The following TPTE variants were observed in gnomAD, a reference collection of about 807,000 sequenced individuals.
TPTE encodes the protein putative tyrosine-protein phosphatase TPTE.
TPTE carries 59 observed loss-of-function variants against 84.1 expected under a neutral mutation model. The ratio of observed to expected loss-of-function variants is 0.70; its 90% confidence interval spans 0.57 to 0.87. The LOEUF (loss-of-function observed/expected upper bound fraction) is 0.87, where lower values mean the gene tolerates loss of function less well. Among genes scored for constraint, TPTE ranks in the 40% least tolerant of loss-of-function variants. The pLI, the probability that TPTE is intolerant of heterozygous loss-of-function variation, is 0.00. For missense variants in TPTE, 382 were observed against 659.6 expected, an observed-to-expected ratio of 0.58 and a Z score of 4.61; for synonymous variants, 130 against 223.5, an observed-to-expected ratio of 0.58 and a Z score of 3.73.
chr21:10,566,186 T>C (rs553057633), intron 10 of TPTE, among the ~76,000 whole-genome samples: 2 of 152,428 alleles, frequency 1.3e-5, no homozygotes, highest in African/African-American at 2.4e-5. Flanking sequence ...ATCTAATCTT[T>C]TAAATGATAA....
intron 7 of TPTE, among the ~76,000 whole-genome samples, chr21:10,548,090 AC>A (rs1479049740): frequency 6.6e-6 from 1 of 152,304 alleles, no homozygotes; most frequent in Non-Finnish European, 1.5e-5. Flanking sequence ...AAACAGTCCC[AC>A]AGGCTGCCCC....
rs533860619 is a variant in TPTE at position 10,531,637 on chromosome 21, T to G, written c.-44+4225T>G. Among the ~76,000 whole-genome samples, 3 of 152,430 alleles carry G rather than the reference T, an allele frequency of 2.0e-5. No individual in the cohort carries two copies. The South Asian group carries it at 6.2e-4, about 32-fold the overall frequency. On this transcript the variant is annotated intron_variant, in intron 3 of 23. Coordinates refer to ENST00000618007, the MANE Select transcript of TPTE (RefSeq NM_199261.4). ...TCATCCTTCATATCAGTTTGAGACA[T>G]TGAAGTTATGTGCTCTAATCCGTCA...
chr21:10,600,140 C>CTTTTTTTTTT (rs71217979), intron 21 of TPTE, among the ~76,000 whole-genome samples: 2 of 142,476 alleles, frequency 1.4e-5, no homozygotes, highest in East Asian at 2.0e-4. Context: ...TTTTCTTTTT[C>CTTTTTTTTTT]TTTTTTTTTT....
intron 5 of TPTE, 50 bp from the exon 6 acceptor site, chr21:10,542,345 A>T (rs1190221327): frequency 6.2e-7 from 1 of 1,600,550 alleles, no homozygotes; most frequent in South Asian, 1.1e-5. Context: ...CCAAAATATA[A>T]ATTCAGAATT....
chr21:10,541,078 A>G (rs774153374), intron 4 of TPTE, 34 bp from the exon 5 acceptor site: 153 of 1,612,026 alleles, frequency 9.5e-5, no homozygotes, highest in Non-Finnish European at 1.2e-4. Flanking sequence ...AGAATTACGC[A>G]TTGGGTCTGA....
At chr21:10,547,504 CTT>C (rs1243451724) in intron 7 of TPTE, among the ~76,000 whole-genome samples, 1 of 152,312 alleles carries the variant, frequency 6.6e-6, no homozygotes, top group Non-Finnish European at 1.5e-5. Flanking sequence ...ATCTCACAGT[CTT>C]TGCAAGCCCT....
intron 19 of TPTE, among the ~76,000 whole-genome samples, chr21:10,593,376 C>A (rs1386809795): frequency 4.6e-5 from 7 of 152,408 alleles, no homozygotes; most frequent in South Asian, 2.1e-4. Flanking sequence ...GTCTTAAAAT[C>A]TTTGAAAATT....
At chr21:10,598,631 C>T (rs1384071391) in intron 21 of TPTE, among the ~76,000 whole-genome samples, 2 of 152,426 alleles carry the variant, frequency 1.3e-5, no homozygotes, top group Non-Finnish European at 2.9e-5. Flanking sequence ...TGGGATGACC[C>T]TGTGAGAAAC....
chr21:10,546,610 A>G (rs2074472785), intron 7 of TPTE, among the ~76,000 whole-genome samples: 1 of 152,312 alleles, frequency 6.6e-6, no homozygotes, highest in South Asian at 2.1e-4. Context: ...GAAAATTAAG[A>G]CTGCTACTCC....
intron 11 of TPTE, among the ~76,000 whole-genome samples, chr21:10,568,129 A>G (rs1222138794): frequency 6.6e-6 from 1 of 152,312 alleles, no homozygotes; most frequent in African/African-American, 2.4e-5. Context: ...CCTTTTGGCT[A>G]AGATCAAGTA....
At chr21:10,557,599 A>G (rs1296336483) in intron 8 of TPTE, among the ~76,000 whole-genome samples, 6 of 152,308 alleles carry the variant, frequency 3.9e-5, no homozygotes, top group East Asian at 1.9e-4. Flanking sequence ...CTTTTGGCCA[A>G]TTGATCCTCC....
chr21:10,569,264 A>T (rs1189961257), intron 11 of TPTE, among the ~76,000 whole-genome samples, 173 bp from the exon 12 acceptor site: 13 of 152,388 alleles, frequency 8.5e-5, no homozygotes, highest in African/African-American at 3.1e-4. Flanking sequence ...ACATGCACGC[A>T]CGCCAGTGGT....
chr21:10,543,242 C>A, intron 6 of TPTE, 87 bp from the exon 7 acceptor site: 1 of 1,481,874 alleles, frequency 6.7e-7, no homozygotes, highest in East Asian at 2.7e-5. Flanking sequence ...CCTTGTTAGC[C>A]AGGATGGTCT....
chr21:10,584,879 A>AGAGTGTGT (rs2075334912), intron 17 of TPTE, among the ~76,000 whole-genome samples: 1 of 148,746 alleles, frequency 6.7e-6, no homozygotes, highest in Non-Finnish European at 1.5e-5. Flanking sequence ...ATGCTTTACG[A>AGAGTGTGT]GTGTGTGTGT....
At position 10,546,055 on chromosome 21, in the gene TPTE, C is replaced by T. The variant is rs1055737135; in HGVS notation, c.173+2673C>T. ...TTTATTGTGCTTTATTTTATTGCCCCTCAGATATTACTTTTTTGTAAACTG... is the reference window on the plus strand; with the variant it reads ...TTTATTGTGCTTTATTTTATTGCCCTTCAGATATTACTTTTTTGTAAACTG... On this transcript the variant is annotated intron_variant, in intron 7 of 23. Transcript: ENST00000618007. Among the ~76,000 whole-genome samples, 5 of 152,304 alleles carry T rather than the reference C, an allele frequency of 3.3e-5. No individual in the cohort carries two copies. The South Asian group carries it at 6.2e-4, about 19-fold the overall frequency.
chr21:10,603,500 A>C, intron 22 of TPTE, 62 bp from the exon 23 acceptor site: 1 of 1,489,668 alleles, frequency 6.7e-7, no homozygotes, highest in Non-Finnish European at 9.2e-7. Context: ...AGGAACTTCA[A>C]TTTCTTTGGA....
intron 17 of TPTE, among the ~76,000 whole-genome samples, chr21:10,589,322 C>G (rs1358330128): frequency 1.3e-5 from 2 of 152,296 alleles, no homozygotes; most frequent in Non-Finnish European, 2.9e-5. Flanking sequence ...GTGGTTTGAC[C>G]TATGAGCCAG....
At chr21:10,592,805 G>GGTGTGTGTGTGTGTGTGTGT (rs4041809) in intron 19 of TPTE, among the ~76,000 whole-genome samples, 443 of 147,700 alleles carry the variant, frequency 3.0e-3, no homozygotes, top group African/African-American at 7.3e-3. Flanking sequence ...GATGACTCCT[G>GGTGTGTGTGTGTGTGTGTGT]GTGTGTGTGT....
intron 3 of TPTE, among the ~76,000 whole-genome samples, chr21:10,528,328 A>C (rs185223785): frequency 8.1e-4 from 123 of 152,386 alleles, no homozygotes; most frequent in African/African-American, 2.6e-3. Context: ...ATGTCATAAT[A>C]TATATTGGAG....
Sources: allele counts gnomAD v4.1 joint callset (sites outside exome capture counted in the v4.1 genomes callset), GRCh38; gene constraint gnomAD v4.1.1; transcripts MANE v1.5; gene names NCBI Gene and HGNC (gene_info 2026-07-23, HGNC 2026-07-21).